Variants in BAZ2B observed in about 807,000 individuals in gnomAD.
The protein encoded by BAZ2B is bromodomain adjacent to zinc finger domain 2B, also known as bromodomain adjacent to zinc finger domain protein 2B.
In BAZ2B, 91 loss-of-function variants were observed where a neutral mutation model predicts 246.0. The observed-to-expected ratio is 0.37, with a 90% CI of 0.31 to 0.44. The LOEUF (loss-of-function observed/expected upper bound fraction) is 0.44. BAZ2B is among the 20% of genes least tolerant of loss of function. The pLI is 1.00. For missense variants in BAZ2B, 2,332 were observed against 2,533.7 expected, an observed-to-expected ratio of 0.92 and a Z score of 1.71; for synonymous variants, 855 against 860.0, an observed-to-expected ratio of 0.99 and a Z score of 0.10.
chr2:159,334,418 A>G (rs2065274095), intron 33 of BAZ2B, among the ~76,000 whole-genome samples: 1 of 152,226 alleles, frequency 6.6e-6, no homozygotes. Flanking sequence ...GCAAATTATG[A>G]CAACTCCCTC....
intron 2 of BAZ2B, among the ~76,000 whole-genome samples, chr2:159,526,314 T>C (rs371558091): frequency 3.2e-4 from 49 of 152,136 alleles, no homozygotes; most frequent in African/African-American, 1.1e-3. Flanking sequence ...AGGCAACATA[T>C]AGTAAAGTCA....
At chr2:159,625,742 A>T in the BAZ2B span, among the ~76,000 whole-genome samples, 4 of 152,222 alleles carry the variant, frequency 2.6e-5, no homozygotes, top group African/African-American at 4.8e-5. Flanking sequence ...TGGAAAGGTC[A>T]TTGACACTAT....
chr2:159,658,515 T>C, the BAZ2B span, among the ~76,000 whole-genome samples: 2 of 152,020 alleles, frequency 1.3e-5, no homozygotes, highest in Non-Finnish European at 2.9e-5. Flanking sequence ...TATTTTTATT[T>C]TATTTATTTA....
chr2:159,583,878 G>A (rs188871275), intron 1 of BAZ2B, among the ~76,000 whole-genome samples: 1 of 152,202 alleles, frequency 6.6e-6, no homozygotes, highest in East Asian at 1.9e-4. Flanking sequence ...CAAGCTATAA[G>A]GTTATTTGAA....
chr2:159,471,495 T>C (rs911316091), intron 3 of BAZ2B, among the ~76,000 whole-genome samples: 2 of 152,082 alleles, frequency 1.3e-5, no homozygotes, highest in African/African-American at 4.8e-5. Flanking sequence ...GAGGCTGAGG[T>C]TGGGGGATTG....
the BAZ2B span, among the ~76,000 whole-genome samples, chr2:159,634,832 A>G: frequency 5.3e-5 from 8 of 152,216 alleles, no homozygotes; most frequent in Non-Finnish European, 1.0e-4. Flanking sequence ...AATGACTTTA[A>G]AACACCCCTA....
chr2:159,463,400 A>G (rs1016296407), intron 3 of BAZ2B: 6 of 184,212 alleles, frequency 3.3e-5, no homozygotes, highest in Admixed American at 1.1e-4. Flanking sequence ...TAAATCCCAC[A>G]AACAGGATGG....
intron 1 of BAZ2B, among the ~76,000 whole-genome samples, chr2:159,604,934 G>T (rs1318878883): frequency 1.7e-5 from 2 of 120,524 alleles, no homozygotes; most frequent in African/African-American, 2.7e-5. Context: ...AATATATTTT[G>T]TGTGTGTGTG....
At chr2:159,576,762 A>C (rs1685413676) in intron 1 of BAZ2B, among the ~76,000 whole-genome samples, 1 of 151,588 alleles carries the variant, frequency 6.6e-6, no homozygotes, top group Non-Finnish European at 1.5e-5. Context: ...AAATACAAAA[A>C]ATTAGCCGGG....
chr2:159,698,027 T>C, the BAZ2B span, among the ~76,000 whole-genome samples: 2 of 152,210 alleles, frequency 1.3e-5, no homozygotes, highest in African/African-American at 4.8e-5. Context: ...TAACAATACC[T>C]ATTATAAGAG....
chr2:159,676,982 ATATATATATATATT>A, the BAZ2B span, among the ~76,000 whole-genome samples: 4 of 103,492 alleles, frequency 3.9e-5, no homozygotes, highest in Non-Finnish European at 8.3e-5. Context: ...ATATATATAT[ATATATATATATATT>A]ACAATTTTTA....
the BAZ2B span, among the ~76,000 whole-genome samples, chr2:159,669,064 AAAAGAAAG>A: frequency 4.0e-5 from 6 of 151,102 alleles, no homozygotes; most frequent in Non-Finnish European, 7.4e-5. Flanking sequence ...TCTCAAAAAA[AAAAGAAAG>A]AAAGAAAGAA....
intron 13 of BAZ2B, among the ~76,000 whole-genome samples, chr2:159,418,402 CT>C (rs1262537104): frequency 2.0e-5 from 3 of 152,046 alleles, no homozygotes; most frequent in Admixed American, 6.6e-5. Context: ...TTGTTTTCAC[CT>C]TATCTTATAG....
At chr2:159,687,324 T>G in the BAZ2B span, among the ~76,000 whole-genome samples, 9 of 152,124 alleles carry the variant, frequency 5.9e-5, no homozygotes, top group South Asian at 1.9e-3. Flanking sequence ...AGCCTCAAGA[T>G]AGAGGCTGGT....
At position 159,446,763 on chromosome 2, in the gene BAZ2B, C is replaced by A. The variant is rs2150372910; in HGVS notation, c.696+19G>T. The A allele has an allele frequency of 6.3e-7, 1 of 1,581,688 alleles. No homozygotes were observed. The highest frequency in any genetic ancestry group is 2.2e-5 in the East Asian group (1 of 44,644). ...ATATATAGATCTGTTATATATTAGT[C>A]CTTCCAAGTACAACTTACCTTATCT... On this transcript the variant is annotated intron_variant, in intron 6 of 36. Transcript: ENST00000392783.
intron 1 of BAZ2B, among the ~76,000 whole-genome samples, chr2:159,558,418 G>A (rs917789811): frequency 2.6e-5 from 4 of 151,976 alleles, no homozygotes; most frequent in African/African-American, 9.7e-5. Flanking sequence ...CACCATGCCT[G>A]GCTAATTTTT....
chr2:159,640,479 A>C, the BAZ2B span, among the ~76,000 whole-genome samples: 3 of 152,170 alleles, frequency 2.0e-5, no homozygotes, highest in African/African-American at 7.2e-5. Flanking sequence ...CATTCAAAAA[A>C]AAACCTGAAA....
At chr2:159,666,257 CTTTTTT>C in the BAZ2B span, among the ~76,000 whole-genome samples, 8 of 94,198 alleles carry the variant, frequency 8.5e-5, no homozygotes, top group Admixed American at 4.6e-4. Flanking sequence ...TTTTATGATT[CTTTTTT>C]TTTTTTTTTT....
intron 1 of BAZ2B, among the ~76,000 whole-genome samples, chr2:159,561,780 G>A (rs769097725): frequency 2.0e-5 from 3 of 152,150 alleles, no homozygotes; most frequent in Non-Finnish European, 4.4e-5. Context: ...ATTCTATTTG[G>A]TAGGATATGT....
Sources: gnomAD v4.1 joint callset for allele counts (sites outside exome capture counted in the v4.1 genomes callset) on GRCh38, gnomAD v4.1.1 for gene constraint, MANE v1.5 for transcripts, NCBI Gene and HGNC (gene_info 2026-07-23, HGNC 2026-07-21) for gene names.